CCDC191: variants seen among roughly 807,000 people sequenced by gnomAD.
CCDC191 encodes coiled-coil domain containing 191.
CCDC191 carries 99 observed loss-of-function variants against 114.0 expected under a neutral mutation model. The ratio of observed to expected loss-of-function variants is 0.87; its 90% CI spans 0.74 to 1.03. The LOEUF (loss-of-function observed/expected upper bound fraction) is 1.03, where lower values mean the gene tolerates loss of function less well. Among genes scored for constraint, CCDC191 ranks in the 50% least tolerant of loss-of-function variants. The pLI, the probability that CCDC191 is intolerant of heterozygous loss-of-function variation, is 0.00. For synonymous variants in CCDC191, 351 were observed against 376.0 expected (o/e 0.93, Z 0.77); for missense variants, 973 against 1,087.0 (o/e 0.90, Z 1.47).
intron 16 of CCDC191, among the ~76,000 whole-genome samples, chr3:113,968,166 G>C (rs1223105942): frequency 6.6e-6 from 1 of 152,112 alleles, no homozygotes; most frequent in Non-Finnish European, 1.5e-5. Flanking sequence ...GGAATTGCTG[G>C]ATCATATGGT....
At chr3:113,992,808 A>C (rs1036919926) in intron 13 of CCDC191, among the ~76,000 whole-genome samples, 1 of 152,230 alleles carries the variant, frequency 6.6e-6, no homozygotes, top group Non-Finnish European at 1.5e-5. Context: ...CACTCATTTT[A>C]TGAGGCCAGC....
rs774053294 is a variant in CCDC191 at position 114,018,846 on chromosome 3, G to C, written c.995C>G (p.Ala332Gly). ...ATGATCAAGAATCAGCTTGTGCCAG[G>C]CAGCGAAATACCGTTTTTGACACTG... ...NQQCQKRYFAAWHKLILDHRI... is the reference protein window; with the variant it reads ...NQQCQKRYFAGWHKLILDHRI... The change falls in exon 8 of 17, where the codon GCC becomes GGC. Residue 332 changes from alanine to glycine, a missense_variant. Coordinates refer to ENST00000295878, the MANE Select transcript of CCDC191 (RefSeq NM_020817.2). 2 of 1,613,584 alleles carry C rather than the reference G, an allele frequency of 1.2e-6. No homozygotes were observed. Among genetic ancestry groups the C allele is most frequent in the African/African-American group, 1.3e-5 (1 of 74,960 alleles).
At chr3:113,974,033 A>C (rs180837624) in intron 16 of CCDC191, among the ~76,000 whole-genome samples, 5 of 151,690 alleles carry the variant, frequency 3.3e-5, no homozygotes, top group Non-Finnish European at 7.4e-5. Context: ...GGGCTCACTA[A>C]TTCTTTCCAC....
intron 2 of CCDC191, 77 bp downstream of exon 2, chr3:114,053,520 T>A: frequency 2.5e-6 from 2 of 787,076 alleles, no homozygotes; most frequent in Non-Finnish European, 4.1e-6. Flanking sequence ...AAAGTGGAGA[T>A]CTATTCATAT....
intron 8 of CCDC191, among the ~76,000 whole-genome samples, chr3:114,015,324 G>A (rs1312462831): frequency 2.6e-5 from 4 of 152,198 alleles, no homozygotes; most frequent in African/African-American, 4.8e-5. Context: ...ATACAGAGAA[G>A]GGCAGAGATG....
chr3:113,982,602 A>G (rs895553284), intron 13 of CCDC191, among the ~76,000 whole-genome samples: 6 of 152,070 alleles, frequency 3.9e-5, no homozygotes, highest in African/African-American at 1.4e-4. Context: ...GTCAGCTAGT[A>G]TGCTTTAGGA....
At position 114,027,616 on chromosome 3, in the gene CCDC191, A is replaced by G. The variant is rs533894201; in HGVS notation, c.972+4010T>C. ...GACTCTGTCTCAAAAAAAAAAAAAA[A>G]AAAAAAGAAAAAAAAATCCAGAATT... On this transcript the variant is annotated intron_variant, in intron 7 of 16. Coordinates refer to ENST00000295878, the MANE Select transcript of CCDC191 (RefSeq NM_020817.2). Among the ~76,000 whole-genome samples the G allele has an allele frequency of 8.0e-5, 12 of 149,174 alleles. No individual in the cohort carries two copies. The East Asian group carries it at 1.2e-3, about 15-fold the overall frequency.
chr3:114,053,637 T>C lies in CCDC191; in HGVS notation c.91-2A>G. 3.2e-6 allele frequency: 5 copies of C among 1,583,940 alleles called. No homozygotes were observed. The highest frequency in any genetic ancestry group is 4.3e-6 in the Non-Finnish European group (5 of 1,156,156). ...CACACTGTCAGGACCAAAAGTAGGC[T>C]GTAGATAACATATATATGATATCAA... On this transcript the variant is annotated splice_acceptor_variant, in intron 1 of 16. Transcript: ENST00000295878. LOFTEE classifies it high-confidence loss of function.
At chr3:113,993,147 T>C (rs2075623727) in intron 13 of CCDC191, among the ~76,000 whole-genome samples, 1 of 152,152 alleles carries the variant, frequency 6.6e-6, no homozygotes, top group African/African-American at 2.4e-5. Flanking sequence ...GGGTCACCCC[T>C]GTGACCCAGG....
In CCDC191 at chr3:114,005,921, T is replaced by C. The variant is rs1482613904; in HGVS notation, c.1455A>G (p.Gly485=). The stretch of plus-strand genomic sequence containing the variant: ...GAGGACTGAGCATACAACCACTGCT[T>C]CCCAAGGGAGGCTTTTCCCACAAAG... ...VPPLWEKPPL[G]SSGCMLSPPL... Residue 485 remains glycine (G), a synonymous_variant, in exon 10 of 17, where the codon GGA becomes GGG. Coordinates refer to ENST00000295878, the MANE Select transcript of CCDC191 (RefSeq NM_020817.2). 6.2e-7 allele frequency: 1 copy of C among 1,613,908 alleles called. No individual in the cohort carries two copies.
At chr3:114,025,143 A>G (rs542655886) in intron 7 of CCDC191, among the ~76,000 whole-genome samples, 29 of 152,106 alleles carry the variant, frequency 1.9e-4, no homozygotes, top group African/African-American at 6.0e-4. Context: ...AACCACTGCC[A>G]TGTGAAATGC....
intron 16 of CCDC191, among the ~76,000 whole-genome samples, chr3:113,973,775 G>C (rs899427490): frequency 1.3e-5 from 2 of 151,722 alleles, no homozygotes; most frequent in Non-Finnish European, 1.5e-5. Flanking sequence ...TGAGAGTTTA[G>C]GTCAAATCTG....
intron 8 of CCDC191, among the ~76,000 whole-genome samples, chr3:114,012,659 GA>G (rs2076090565): frequency 6.6e-6 from 1 of 152,102 alleles, no homozygotes; most frequent in Non-Finnish European, 1.5e-5. Flanking sequence ...ATTTCTACAG[GA>G]TAGAAGATGT....
At chr3:114,042,231 T>A (rs888352789) in intron 4 of CCDC191, among the ~76,000 whole-genome samples, 1 of 152,144 alleles carries the variant, frequency 6.6e-6, no homozygotes, top group Admixed American at 6.6e-5. Flanking sequence ...CATTCTTGGA[T>A]TCAACCAACT....
intron 8 of CCDC191, among the ~76,000 whole-genome samples, chr3:114,018,461 C>T (rs1283682431): frequency 6.6e-6 from 1 of 151,970 alleles, no homozygotes; most frequent in Non-Finnish European, 1.5e-5. Flanking sequence ...AGGCACACCC[C>T]ACTGCTCCCG....
At chr3:114,039,260 C>T (rs779389894) in intron 4 of CCDC191, 1 of 152,104 alleles carries the variant, frequency 6.6e-6, no homozygotes, top group Non-Finnish European at 1.5e-5. Context: ...AATCCCACCA[C>T]TCTGAGAGGC....
At chr3:114,055,609 G>A (rs1356945761) in intron 1 of CCDC191, among the ~76,000 whole-genome samples, 1 of 152,220 alleles carries the variant, frequency 6.6e-6, no homozygotes, top group Admixed American at 6.5e-5. Context: ...TGGTGAAACT[G>A]CTCTGTAGCT....
At chr3:114,030,528 C>G (rs1387011854) in intron 7 of CCDC191, among the ~76,000 whole-genome samples, 1 of 152,152 alleles carries the variant, frequency 6.6e-6, no homozygotes, top group Non-Finnish European at 1.5e-5. Flanking sequence ...ATGTTAACTG[C>G]AAGTCTTACA....
chr3:114,003,269 T>C (rs560294854), intron 11 of CCDC191: 1 of 985,306 alleles, frequency 1.0e-6, no homozygotes, highest in Non-Finnish European at 1.2e-6. Flanking sequence ...GGGAGGAGTA[T>C]CAAGTTCTGC....
Sources: gnomAD v4.1 joint callset for allele counts (sites outside exome capture counted in the v4.1 genomes callset) on GRCh38, gnomAD v4.1.1 for gene constraint, MANE v1.5 for transcripts, NCBI Gene and HGNC (gene_info 2026-07-23, HGNC 2026-07-21) for gene names.